The following PRELID2 variants were observed in gnomAD, a reference collection of about 807,000 sequenced individuals.
PRELID2 encodes the protein PRELI domain-containing protein 2.
A neutral mutation model predicts 28.4 loss-of-function variants in PRELID2; 25 were observed. The observed-to-expected ratio is 0.88, with a 90% CI of 0.64 to 1.23. PRELID2 has a LOEUF of 1.23. Among genes scored for constraint, PRELID2 ranks in the 50% most tolerant of loss-of-function variants. PRELID2 has a pLI of 0.00. For missense variants in PRELID2, 201 were observed against 214.4 expected (o/e 0.94, Z 0.39); for synonymous variants, 76 against 71.6 (o/e 1.06, Z -0.31).
intron 1 of PRELID2, among the ~76,000 whole-genome samples, chr5:145,509,112 A>T (rs183186572): frequency 6.3e-4 from 96 of 152,310 alleles, no homozygotes; most frequent in African/African-American, 2.0e-3. Flanking sequence ...CCTGGGCTGA[A>T]AAAATGAAGT....
At chr5:145,819,836 G>A (rs1470636303) in intron 3 of PRELID2, 109 bp downstream of exon 3, 3 of 778,142 alleles carry the variant, frequency 3.9e-6, no homozygotes, top group Non-Finnish European at 6.7e-6. Flanking sequence ...GAGGTAAAAG[G>A]AGTAGGAAGT....
At chr5:145,750,104 A>G (rs1422182242) in intron 1 of PRELID2, among the ~76,000 whole-genome samples, 3 of 152,084 alleles carry the variant, frequency 2.0e-5, no homozygotes, top group Non-Finnish European at 4.4e-5. Context: ...ATTAAAAAAA[A>G]AGAAAAATAT....
At chr5:145,481,883 A>G (rs761650514) in intron 1 of PRELID2, among the ~76,000 whole-genome samples, 1 of 152,156 alleles carries the variant, frequency 6.6e-6, no homozygotes, top group Non-Finnish European at 1.5e-5. Context: ...TAGCTAGTAA[A>G]ACCTAACTGC....
the PRELID2 span, among the ~76,000 whole-genome samples, chr5:145,370,666 T>C: frequency 6.6e-6 from 1 of 152,116 alleles, no homozygotes; most frequent in East Asian, 1.9e-4. Flanking sequence ...AGAATGTCTA[T>C]GGTAGTTTAA....
chr5:145,717,200 T>G (rs193121477), intron 1 of PRELID2, among the ~76,000 whole-genome samples: 19 of 152,266 alleles, frequency 1.2e-4, no homozygotes, highest in Non-Finnish European at 2.9e-5. Context: ...TTCTCTGAAA[T>G]GTCTGGCCCA....
rs187442266 is a variant in PRELID2 at position 145,790,332 on chromosome 5, T to G, written c.474+6110A>C. On this transcript the variant is annotated intron_variant, in intron 5 of 6. Transcript: ENST00000683046. ...GTCAGCCTTAAAAAGAAGCAAGTTCTGTCATTTGTGACAACATGGATAAAC... is the reference window on the plus strand; with the variant it reads ...GTCAGCCTTAAAAAGAAGCAAGTTCGGTCATTTGTGACAACATGGATAAAC... Among the ~76,000 whole-genome samples the G allele has an allele frequency of 2.0e-3, 298 of 152,294 alleles. 1 individual carries two copies. Among genetic ancestry groups the G allele is most frequent in the African/African-American group, 6.2e-3 (256 of 41,576 alleles).
At chr5:145,490,503 A>G (rs561606942) in intron 1 of PRELID2, among the ~76,000 whole-genome samples, 1 of 152,330 alleles carries the variant, frequency 6.6e-6, no homozygotes, top group South Asian at 2.1e-4. Flanking sequence ...AGAAGAAAAG[A>G]ACCACTACTT....
intron 1 of PRELID2, among the ~76,000 whole-genome samples, chr5:145,596,751 G>T (rs1753312797): frequency 6.6e-6 from 1 of 152,160 alleles, no homozygotes; most frequent in African/African-American, 2.4e-5. Flanking sequence ...GACTTTAAGA[G>T]AAGTCAGTCT....
intron 1 of PRELID2, among the ~76,000 whole-genome samples, chr5:145,604,189 A>G (rs1319217508): frequency 6.6e-6 from 1 of 152,112 alleles, no homozygotes; most frequent in African/African-American, 2.4e-5. Flanking sequence ...AGATTATTTT[A>G]TCACGCAGGT....
intron 4 of PRELID2, among the ~76,000 whole-genome samples, chr5:145,800,305 C>CACAA (rs1753045465): frequency 6.8e-6 from 1 of 147,536 alleles, no homozygotes; most frequent in Non-Finnish European, 1.5e-5. Context: ...TTCTCTTACA[C>CACAA]ACACACACAC....
intron 1 of PRELID2, among the ~76,000 whole-genome samples, chr5:145,572,494 G>A (rs928623664): frequency 6.6e-6 from 1 of 152,124 alleles, no homozygotes; most frequent in Non-Finnish European, 1.5e-5. Flanking sequence ...AGCACTTAAT[G>A]TACAGCATCT....
chr5:145,582,618 C>A (rs554600645), intron 1 of PRELID2, among the ~76,000 whole-genome samples: 1 of 152,012 alleles, frequency 6.6e-6, no homozygotes, highest in African/African-American at 2.4e-5. Context: ...GAGGATATCA[C>A]CACTGATCCC....
intron 1 of PRELID2, among the ~76,000 whole-genome samples, chr5:145,553,860 C>T (rs1032665335): frequency 2.3e-4 from 35 of 151,984 alleles, no homozygotes; most frequent in Non-Finnish European, 4.3e-4. Flanking sequence ...TTACAACAGC[C>T]CTTAGATGAT....
chr5:145,690,038 G>A (rs1304431955), intron 1 of PRELID2, among the ~76,000 whole-genome samples: 1 of 142,290 alleles, frequency 7.0e-6, no homozygotes, highest in Non-Finnish European at 1.5e-5. Flanking sequence ...GGCCCAGGCT[G>A]GAGTGCAATG....
the PRELID2 span, among the ~76,000 whole-genome samples, chr5:145,397,466 A>T: frequency 1.3e-5 from 2 of 151,770 alleles, no homozygotes; most frequent in South Asian, 2.1e-4. Context: ...AGGGGGAAAT[A>T]AAAAAAAACT....
intron 1 of PRELID2, among the ~76,000 whole-genome samples, chr5:145,542,801 T>C (rs1401259458): frequency 7.1e-6 from 1 of 141,486 alleles, no homozygotes; most frequent in Non-Finnish European, 1.5e-5. Context: ...TTTTCTCTTT[T>C]CTTTTACTTT....
At chr5:145,397,474 A>T in the PRELID2 span, among the ~76,000 whole-genome samples, 1 of 152,194 alleles carries the variant, frequency 6.6e-6, no homozygotes, top group Non-Finnish European at 1.5e-5. Context: ...ATAAAAAAAA[A>T]CTTTACTCAA....
At chr5:145,555,165 G>A (rs1007669248) in intron 1 of PRELID2, among the ~76,000 whole-genome samples, 12 of 152,178 alleles carry the variant, frequency 7.9e-5, no homozygotes, top group African/African-American at 2.9e-4. Context: ...GATTATTGAA[G>A]CATTAGAGCA....
chr5:145,545,561 C>T (rs1405979770), intron 1 of PRELID2, among the ~76,000 whole-genome samples: 2 of 152,102 alleles, frequency 1.3e-5, no homozygotes, highest in African/African-American at 4.8e-5. Flanking sequence ...TGAACACATT[C>T]CTCCACTCTT....
Sources: allele counts gnomAD v4.1 joint callset (sites outside exome capture counted in the v4.1 genomes callset), GRCh38; gene constraint gnomAD v4.1.1; transcripts MANE v1.5; gene names NCBI Gene and HGNC (gene_info 2026-07-23, HGNC 2026-07-21).